Variants in ADGRE1 observed in about 807,000 individuals in gnomAD.
ADGRE1 encodes the protein adhesion G protein-coupled receptor E1.
A neutral mutation model predicts 102.7 loss-of-function variants in ADGRE1; 82 were observed. The observed-to-expected ratio is 0.80, with a 90% CI of 0.67 to 0.96. ADGRE1 has a LOEUF of 0.96. ADGRE1 is among the 40% of genes least tolerant of loss of function. The pLI is 0.00. For synonymous variants in ADGRE1, 398 were observed against 399.6 expected (o/e 1.00, Z 0.05); for missense variants, 1,032 against 1,085.3 (o/e 0.95, Z 0.69).
chr19:6,909,536 A>G (rs766725410), intron 10 of ADGRE1, among the ~76,000 whole-genome samples: 1 of 152,234 alleles, frequency 6.6e-6, no homozygotes, highest in South Asian at 2.1e-4. Context: ...GATAGTGTGT[A>G]TATAAACAAT....
chr19:6,938,785 CT>C lies in ADGRE1; in HGVS notation c.2655+1140del, dbSNP rs749928690. Reference sequence around the variant, plus strand: ...GCTCTATTTTCTTTTTTCTTTCTTTCTTTCTTTCTTTTTTTCTTTTTTTTTT... The same window carrying C: ...GCTCTATTTTCTTTTTTCTTTCTTTCTTCTTTCTTTTTTTCTTTTTTTTTT... On this transcript the variant is annotated intron_variant, in intron 20 of 20. Transcript: ENST00000312053. Among the ~76,000 whole-genome samples the C allele has an allele frequency of 4.2e-3, 613 of 147,360 alleles. 1 individual carries two copies. Among genetic ancestry groups the C allele is most frequent in the Non-Finnish European group, 6.8e-3 (457 of 66,964 alleles).
intron 3 of ADGRE1, 131 bp from the exon 4 acceptor site, chr19:6,897,018 G>A: frequency 1.1e-6 from 1 of 930,026 alleles, no homozygotes; most frequent in South Asian, 1.9e-5. Flanking sequence ...TCCATTGCTT[G>A]ACAGAAGAAG....
intron 18 of ADGRE1, among the ~76,000 whole-genome samples, chr19:6,936,969 G>T (rs1228497480): frequency 6.6e-6 from 1 of 152,114 alleles, no homozygotes; most frequent in Non-Finnish European, 1.5e-5. Context: ...TGTTGGCCAG[G>T]CTGGTCTCGA....
Position 6,902,016 on chromosome 19 carries a change from G to C in ADGRE1, c.656G>C (p.Cys219Ser). The change falls in exon 6 of 21, where the codon TGT becomes TCT. Residue 219 changes from cysteine to serine, a missense_variant. By Grantham distance (112) the Cys-to-Ser change is moderately radical (BLOSUM62 -1). Transcript: ENST00000312053. The part of the protein sequence containing the change: ...HLSFQGLKAS[C>S]EDIDECTEMC... ...AGTTTCCAGGGTCTCAAAGCATCGT[G>C]TGAAGGTAGGTGGGGGTGTCTTCTG... is the stretch of plus-strand genomic sequence containing the variant. 6.2e-7 allele frequency: 1 copy of C among 1,614,174 alleles called. No individual in the cohort carries two copies.
chr19:6,929,296 C>T (rs1427553828), intron 17 of ADGRE1, among the ~76,000 whole-genome samples: 2 of 152,138 alleles, frequency 1.3e-5, no homozygotes, highest in Non-Finnish European at 2.9e-5. Context: ...TTCTGGCCCG[C>T]AGCAAAGTGC....
rs186070126 is a variant in ADGRE1, at chr19:6,892,761, A to G, written c.94+2218A>G. Among the ~76,000 whole-genome samples, 80 of 152,350 alleles carry G rather than the reference A, an allele frequency of 5.3e-4. 1 individual carries two copies. Among genetic ancestry groups the G allele is most frequent in the Non-Finnish European group, 8.8e-5 (6 of 68,028 alleles). On this transcript the variant is annotated intron_variant, in intron 2 of 20. Coordinates refer to ENST00000312053, the MANE Select transcript of ADGRE1 (RefSeq NM_001974.5). ...TGAACTCAATGTGGTCTGCATACAC[A>G]ACGGATTGCTATTCGGCCATAAAAA...
intron 5 of ADGRE1, chr19:6,898,186 CAGA>C: frequency 1.2e-6 from 1 of 832,540 alleles, no homozygotes; most frequent in Non-Finnish European, 1.8e-6. Flanking sequence ...CATTGCTTGA[CAGA>C]AGAAGTACCA....
At chr19:6,923,140 G>A (rs1045141462) in intron 14 of ADGRE1, among the ~76,000 whole-genome samples, 2 of 152,106 alleles carry the variant, frequency 1.3e-5, no homozygotes, top group Admixed American at 6.6e-5. Context: ...TACCAGAGAG[G>A]CCATAAGTAA....
At chr19:6,911,145 C>T (rs1008665125) in intron 10 of ADGRE1, among the ~76,000 whole-genome samples, 1 of 152,108 alleles carries the variant, frequency 6.6e-6, no homozygotes, top group Non-Finnish European at 1.5e-5. Context: ...GGGAGTCCCA[C>T]ACCCATGCCT....
At chr19:6,915,979 T>A (rs1974363365) in intron 11 of ADGRE1, among the ~76,000 whole-genome samples, 1 of 144,558 alleles carries the variant, frequency 6.9e-6, no homozygotes, top group African/African-American at 2.5e-5. Flanking sequence ...TTGCCTTCCA[T>A]CACTGTTGAC....
chr19:6,929,726 G>T (rs1223138784), intron 17 of ADGRE1, among the ~76,000 whole-genome samples: 1 of 152,092 alleles, frequency 6.6e-6, no homozygotes, highest in African/African-American at 2.4e-5. Context: ...TCACCACGTT[G>T]GCCAAGCTGG....
rs763249295 is a variant in ADGRE1 at position 6,924,591 on chromosome 19, C to A, written c.1792-87C>A. 5.6e-6 allele frequency: 7 copies of A among 1,259,972 alleles called. No homozygotes were observed. The South Asian group carries it at 5.6e-5, about 10-fold the overall frequency. 78.0% of individuals were successfully genotyped at this position (1,259,972 alleles called of 1,614,324 possible). A position where few individuals can be genotyped will look rare whatever the true frequency, so the allele number is the denominator to read the frequency against. ...AAAATTCCCCCAAGCTAATTTTGCC[C>A]GAGCCAGGGTTTTAGATAACTCTTC... On this transcript the variant is annotated intron_variant, in intron 14 of 20. Coordinates refer to ENST00000312053, the MANE Select transcript of ADGRE1 (RefSeq NM_001974.5).
chr19:6,918,477 T>C (rs545596096), intron 12 of ADGRE1, among the ~76,000 whole-genome samples: 39 of 151,910 alleles, frequency 2.6e-4, no homozygotes, highest in Admixed American at 6.6e-4. Context: ...TTGCTCAATT[T>C]ATGATGTCTG....
chr19:6,920,566 C>T (rs1312143860), intron 13 of ADGRE1, among the ~76,000 whole-genome samples: 1 of 108,608 alleles, frequency 9.2e-6, no homozygotes, highest in Non-Finnish European at 1.7e-5. Context: ...TCTTGTTGCC[C>T]AGGCTGGAGT....
At chr19:6,930,461 G>T (rs1226979913) in intron 17 of ADGRE1, among the ~76,000 whole-genome samples, 1 of 151,788 alleles carries the variant, frequency 6.6e-6, no homozygotes, top group African/African-American at 2.4e-5. Context: ...TAATTTTTGT[G>T]GGCACAAAGT....
At chr19:6,906,628 C>T in intron 9 of ADGRE1, 107 bp downstream of exon 9, 1 of 907,532 alleles carries the variant, frequency 1.1e-6, no homozygotes, top group Non-Finnish European at 1.7e-6. Context: ...GTGGCCAAAA[C>T]CAGACAGCAG....
chr19:6,902,825 C>A (rs1468922592), intron 6 of ADGRE1, among the ~76,000 whole-genome samples: 1 of 152,246 alleles, frequency 6.6e-6, no homozygotes, highest in African/African-American at 2.4e-5. Context: ...CCACCTCTGC[C>A]TCCCAGGTTC....
chr19:6,938,934 T>G (rs1011168237), intron 20 of ADGRE1, among the ~76,000 whole-genome samples: 17 of 152,066 alleles, frequency 1.1e-4, no homozygotes, highest in Non-Finnish European at 2.2e-4. Flanking sequence ...TAGCTGGGAT[T>G]ACAGGCGCCC....
intron 6 of ADGRE1, among the ~76,000 whole-genome samples, chr19:6,902,811 A>G (rs969468186): frequency 2.0e-5 from 3 of 152,168 alleles, no homozygotes; most frequent in Admixed American, 6.5e-5. Flanking sequence ...ATCTCAGCTT[A>G]CTGCCACCTC....
Sources: allele counts gnomAD v4.1 joint callset (sites outside exome capture counted in the v4.1 genomes callset), GRCh38; gene constraint gnomAD v4.1.1; transcripts MANE v1.5; gene names NCBI Gene and HGNC (gene_info 2026-07-23, HGNC 2026-07-21).